Variants in IL1RAPL2 observed in about 807,000 individuals in gnomAD.
The protein encoded by IL1RAPL2 is interleukin 1 receptor accessory protein like 2.
IL1RAPL2 carries 3 observed loss-of-function variants against 44.1 expected under a neutral mutation model. The ratio of observed to expected loss-of-function variants is 0.07; its 90% CI spans 0.03 to 0.18. IL1RAPL2 has a LOEUF of 0.18. Ranked by LOEUF, IL1RAPL2 falls within the 10% of genes least tolerant of loss-of-function variation. The pLI is 1.00. For synonymous variants in IL1RAPL2, 181 were observed against 178.8 expected (o/e 1.01, Z -0.10); for missense variants, 391 against 496.4 (o/e 0.79, Z 2.02).
At chrX:105,115,745 G>A (rs138112678) in intron 2 of IL1RAPL2, among the ~76,000 whole-genome samples, 490 of 113,039 alleles carry the variant, frequency 4.3e-3, no homozygotes, top group African/African-American at 0.014. Context: ...TGCGCCTTGC[G>A]CCTGCACTCC....
chrX:105,500,073 G>A (rs906008799), intron 6 of IL1RAPL2, among the ~76,000 whole-genome samples: 1 of 111,416 alleles, frequency 9.0e-6, no homozygotes, highest in African/African-American at 3.3e-5. Flanking sequence ...GAAATAAGCC[G>A]GTCACAGAAA....
chrX:104,611,555 A>G (rs1057220134), intron 1 of IL1RAPL2, among the ~76,000 whole-genome samples: 1 of 111,211 alleles, frequency 9.0e-6, no homozygotes, highest in East Asian at 2.8e-4. Flanking sequence ...CAAGAATTTC[A>G]AGCCGGGCAC....
chrX:104,980,098 A>G (rs1411841001), intron 2 of IL1RAPL2, among the ~76,000 whole-genome samples: 3 of 111,881 alleles, frequency 2.7e-5, no homozygotes, highest in Non-Finnish European at 5.7e-5. Context: ...GGGTCTAGTT[A>G]AGTAAAATAT....
intron 6 of IL1RAPL2, among the ~76,000 whole-genome samples, chrX:105,710,664 T>C (rs2038202134): frequency 9.1e-6 from 1 of 110,060 alleles, no homozygotes; most frequent in Non-Finnish European, 1.9e-5. Context: ...GTACTACATA[T>C]TGGAAGACAT....
chrX:104,825,560 T>C (rs766716768), intron 2 of IL1RAPL2, among the ~76,000 whole-genome samples: 41 of 112,218 alleles, frequency 3.7e-4, no homozygotes, highest in Non-Finnish European at 6.6e-4. Context: ...TGCTCTGGAA[T>C]ATATCATTGT....
At chrX:105,623,078 CT>C (rs1420488016) in intron 6 of IL1RAPL2, among the ~76,000 whole-genome samples, 2 of 110,945 alleles carry the variant, frequency 1.8e-5, no homozygotes, top group Non-Finnish European at 1.9e-5. Flanking sequence ...ACAGATAATC[CT>C]TTTTTTAATA....
chrX:105,144,394 T>G (rs73245755), intron 2 of IL1RAPL2, among the ~76,000 whole-genome samples: 12,832 of 110,480 alleles, frequency 0.12, 691 homozygotes, highest in Admixed American at 0.2. Flanking sequence ...GGCCAAGACA[T>G]TTTGTTCTTT....
chrX:105,748,491 G>A (rs558962247), intron 8 of IL1RAPL2, among the ~76,000 whole-genome samples: 9 of 112,361 alleles, frequency 8.0e-5, no homozygotes, highest in African/African-American at 2.9e-4. Flanking sequence ...AAACTCATTA[G>A]ATTTTATTTG....
chrX:104,578,378 A>G (rs1043810207), intron 1 of IL1RAPL2, among the ~76,000 whole-genome samples: 4 of 112,325 alleles, frequency 3.6e-5, no homozygotes, highest in African/African-American at 1.3e-4. Context: ...ATGAGCCTCA[A>G]AGAGGCAGAG....
chrX:105,453,796 G>A (rs1424964227), intron 5 of IL1RAPL2, among the ~76,000 whole-genome samples: 2 of 111,610 alleles, frequency 1.8e-5, no homozygotes, highest in African/African-American at 6.5e-5. Flanking sequence ...GCTCTGAAGT[G>A]GGCAAAATTA....
At chrX:104,880,959 C>T (rs1418887463) in intron 2 of IL1RAPL2, among the ~76,000 whole-genome samples, 2 of 111,550 alleles carry the variant, frequency 1.8e-5, no homozygotes, top group African/African-American at 3.3e-5. Flanking sequence ...GTTTCAATAA[C>T]GACCTCATTT....
At chrX:104,665,817 C>T (rs767464131) in intron 2 of IL1RAPL2, among the ~76,000 whole-genome samples, 120 of 111,099 alleles carry the variant, frequency 1.1e-3, no homozygotes, top group Non-Finnish European at 1.8e-3. Context: ...AGAGTTTTAT[C>T]CCTAGGTTTT....
intron 2 of IL1RAPL2, among the ~76,000 whole-genome samples, chrX:104,751,228 G>T (rs1932253481): frequency 9.0e-6 from 1 of 111,606 alleles, no homozygotes; most frequent in Admixed American, 9.5e-5. Context: ...AGATGTATTT[G>T]TTCAGCAAAT....
rs1172515228 is a variant in IL1RAPL2, at chrX:105,520,923, C to CTT, written c.772+36564_772+36565dup. Among the ~76,000 whole-genome samples the CTT allele has an allele frequency of 2.1e-3, 108 of 52,340 alleles. 9 individuals carry two copies. The highest frequency in any genetic ancestry group is 2.2e-3 in the Non-Finnish European group (64 of 28,746). The allele number at this position is 52,340 out of a possible 115,157, so 45.5% of individuals were successfully genotyped here. A position where few individuals can be genotyped will look rare whatever the true frequency, so the allele number is the denominator to read the frequency against. Reference sequence around the variant, plus strand: ...CAATATTATAGCTATTTCTTTCTTTCTTTTTTTTTTTTTTTTTTTTTTTTT... The same window carrying CTT: ...CAATATTATAGCTATTTCTTTCTTTCTTTTTTTTTTTTTTTTTTTTTTTTTTT... On this transcript the variant is annotated intron_variant, in intron 6 of 10. Transcript: ENST00000372582.
At chrX:104,674,954 T>A (rs1206099545) in intron 2 of IL1RAPL2, among the ~76,000 whole-genome samples, 1 of 111,633 alleles carries the variant, frequency 9.0e-6, no homozygotes, top group East Asian at 2.8e-4. Context: ...ATCCCCTTTA[T>A]AATTTTTTAT....
chrX:104,908,699 G>A (rs1450483047), intron 2 of IL1RAPL2, among the ~76,000 whole-genome samples: 3 of 110,341 alleles, frequency 2.7e-5, no homozygotes, highest in African/African-American at 9.9e-5. Flanking sequence ...GCTTCCCTTT[G>A]AGGGTAACCC....
chrX:104,990,404 G>A (rs1469380451), intron 2 of IL1RAPL2, among the ~76,000 whole-genome samples: 3 of 92,151 alleles, frequency 3.3e-5, no homozygotes, highest in Non-Finnish European at 6.8e-5. Context: ...CTTGGGATGG[G>A]GTTGGAGGTG....
intron 2 of IL1RAPL2, among the ~76,000 whole-genome samples, chrX:104,847,550 A>C (rs977334635): frequency 9.0e-6 from 1 of 111,345 alleles, no homozygotes; most frequent in Non-Finnish European, 1.9e-5. Flanking sequence ...CCACTCGTCT[A>C]TATCTCTGTT....
chrX:104,954,859 A>G (rs975488128), intron 2 of IL1RAPL2, among the ~76,000 whole-genome samples: 4 of 113,199 alleles, frequency 3.5e-5, no homozygotes, highest in Non-Finnish European at 5.6e-5. Context: ...AAAGAATTCA[A>G]AAATGAGCCT....
Sources: allele counts gnomAD v4.1 joint callset (sites outside exome capture counted in the v4.1 genomes callset), GRCh38; gene constraint gnomAD v4.1.1; transcripts MANE v1.5; gene names NCBI Gene and HGNC (gene_info 2026-07-23, HGNC 2026-07-21).